Variants in KIF26B observed in about 807,000 individuals in gnomAD.
The protein encoded by KIF26B is kinesin family member 26B.
In KIF26B, 63 loss-of-function variants were observed where a neutral mutation model predicts 151.2. The observed-to-expected ratio is 0.42, with a 90% CI of 0.34 to 0.51. The LOEUF is 0.51. Ranked by LOEUF, KIF26B falls within the 20% of genes least tolerant of loss-of-function variation. The probability of loss-of-function intolerance (pLI) is 0.07; values close to 1 mark genes in which losing one functional copy is unlikely to be tolerated. For synonymous variants in KIF26B, 1,357 were observed against 1,262.1 expected, an observed-to-expected ratio of 1.08 and a Z score of -1.59; for missense variants, 2,813 against 2,913.6, an observed-to-expected ratio of 0.97 and a Z score of 0.79.
chr1:245,553,111 C>T (rs1661932968), intron 5 of KIF26B, among the ~76,000 whole-genome samples: 1 of 152,222 alleles, frequency 6.6e-6, no homozygotes, highest in African/African-American at 2.4e-5. Flanking sequence ...ATGAGCCATT[C>T]ATCTTGTGCC....
chr1:245,242,560 C>G (rs2103560560), intron 2 of KIF26B, among the ~76,000 whole-genome samples: 1 of 152,292 alleles, frequency 6.6e-6, no homozygotes, highest in South Asian at 2.1e-4. Context: ...CCTTTTCACT[C>G]AATATGATGT....
chr1:245,632,848 C>T (rs2043795443), intron 9 of KIF26B, among the ~76,000 whole-genome samples: 2 of 152,178 alleles, frequency 1.3e-5, no homozygotes, highest in South Asian at 4.1e-4. Context: ...ATTGAGGCTG[C>T]AGTGAGCCAA....
chr1:245,297,646 A>G (rs1387419807), intron 2 of KIF26B, among the ~76,000 whole-genome samples: 1 of 152,188 alleles, frequency 6.6e-6, no homozygotes, highest in Non-Finnish European at 1.5e-5. Context: ...ACTTAGAGAA[A>G]AGGAGTAGGC....
At chr1:245,652,270 C>T (rs997462594) in intron 10 of KIF26B, among the ~76,000 whole-genome samples, 7 of 152,092 alleles carry the variant, frequency 4.6e-5, no homozygotes, top group African/African-American at 9.7e-5. Context: ...CAGTTTAGAG[C>T]GTTCCCTATT....
chr1:245,497,187 A>G (rs1660531628), intron 4 of KIF26B, among the ~76,000 whole-genome samples: 1 of 151,858 alleles, frequency 6.6e-6, no homozygotes, highest in Non-Finnish European at 1.5e-5. Context: ...TCTTTAATTT[A>G]TCATTAATGT....
intron 4 of KIF26B, among the ~76,000 whole-genome samples, chr1:245,538,924 C>T (rs561749443): frequency 6.6e-6 from 1 of 151,998 alleles, no homozygotes; most frequent in East Asian, 1.9e-4. Context: ...GAGAGAATTT[C>T]AAAAGGAATG....
Position 245,419,506 on chromosome 1 carries a change from G to C in KIF26B, c.1000-73G>C. The C allele has an allele frequency of 2.8e-6, 4 of 1,428,974 alleles. No individual in the cohort carries two copies. In the South Asian group the frequency reaches 5.4e-5, roughly 19 times the overall value. The allele number at this position is 1,428,974 out of a possible 1,614,324, so 88.5% of individuals were successfully genotyped here. A position where few individuals can be genotyped will look rare whatever the true frequency, so the allele number is the denominator to read the frequency against. ...CCCTCTTGCCTCCCTCCCCCAAATA[G>C]AGAGATGCTGTCAGTGGTCAGGAAA... is the stretch of plus-strand genomic sequence containing the variant. On this transcript the variant is annotated intron_variant, in intron 3 of 14. Coordinates refer to ENST00000407071, the MANE Select transcript of KIF26B (RefSeq NM_018012.4).
At chr1:245,381,783 A>G (rs1406033959) in intron 3 of KIF26B, among the ~76,000 whole-genome samples, 2 of 152,196 alleles carry the variant, frequency 1.3e-5, no homozygotes, top group African/African-American at 4.8e-5. Context: ...GTTTCCGTGA[A>G]TCTGACTGCT....
intron 2 of KIF26B, among the ~76,000 whole-genome samples, chr1:245,270,127 T>TA (rs1553340285): frequency 2.9e-5 from 4 of 140,274 alleles, no homozygotes; most frequent in African/African-American, 1.1e-4. Context: ...TCTTTTTTCT[T>TA]CTTCCTTCTT....
chr1:245,220,102 C>T (rs1010243950), intron 2 of KIF26B, among the ~76,000 whole-genome samples: 2 of 152,218 alleles, frequency 1.3e-5, no homozygotes, highest in African/African-American at 4.8e-5. Context: ...TTCGGCCTCT[C>T]TCTCCGCACC....
At chr1:245,508,257 T>C (rs1371933931) in intron 4 of KIF26B, among the ~76,000 whole-genome samples, 1 of 152,240 alleles carries the variant, frequency 6.6e-6, no homozygotes, top group Non-Finnish European at 1.5e-5. Flanking sequence ...ATTGTTGTTG[T>C]TGAGACGGAG....
chr1:245,462,397 T>A, intron 4 of KIF26B, among the ~76,000 whole-genome samples: 1 of 152,212 alleles, frequency 6.6e-6, no homozygotes, highest in South Asian at 2.1e-4. Flanking sequence ...TCATCTACAA[T>A]GTGCTAAAGT....
intron 11 of KIF26B, among the ~76,000 whole-genome samples, chr1:245,684,739 G>A (rs1467818842): frequency 2.6e-5 from 4 of 152,190 alleles, no homozygotes; most frequent in East Asian, 1.9e-4. Context: ...GCATGGCCTC[G>A]GTCCTGCGTA....
intron 2 of KIF26B, among the ~76,000 whole-genome samples, chr1:245,254,004 G>GT: frequency 6.6e-6 from 1 of 151,642 alleles, no homozygotes; most frequent in Non-Finnish European, 1.5e-5. Context: ...TAGAGATGGG[G>GT]TTTCACCGTG....
In KIF26B at chr1:245,352,566, C is replaced by A. The variant is rs1385493145; in HGVS notation, c.466-14268C>A. Among the ~76,000 whole-genome samples the A allele has an allele frequency of 6.6e-6, 1 of 152,198 alleles. No individual in the cohort carries two copies. Among genetic ancestry groups the A allele is most frequent in the African/African-American group, 2.4e-5 (1 of 41,450 alleles). ...GGCGTGAACCACTGTGCCTGGCCCA[C>A]CTACTTCCAGTTTAAAGTCACCTGG... On this transcript the variant is annotated intron_variant, in intron 2 of 14. Coordinates refer to ENST00000407071, the MANE Select transcript of KIF26B (RefSeq NM_018012.4). This position sits in a 1 kb window ranked among gnomAD's most constrained non-coding sequence, Gnocchi z 5.0.
chr1:245,291,599 A>AC (rs1472474420), intron 2 of KIF26B, among the ~76,000 whole-genome samples: 1 of 152,110 alleles, frequency 6.6e-6, no homozygotes, highest in Non-Finnish European at 1.5e-5. Context: ...ACTAGACCCC[A>AC]CACCCGACGG....
At chr1:245,651,472 G>A (rs1234968623) in intron 10 of KIF26B, among the ~76,000 whole-genome samples, 1 of 152,168 alleles carries the variant, frequency 6.6e-6, no homozygotes, top group Non-Finnish European at 1.5e-5. Flanking sequence ...CTTCCTCCTA[G>A]AGCCCATGGA....
chr1:245,392,426 A>G (rs1018474720), intron 3 of KIF26B, among the ~76,000 whole-genome samples: 1 of 152,204 alleles, frequency 6.6e-6, no homozygotes, highest in Admixed American at 6.5e-5. Flanking sequence ...AAAGGGATAC[A>G]TTTTTTGATA....
At chr1:245,658,944 G>A (rs1453639661) in intron 10 of KIF26B, among the ~76,000 whole-genome samples, 2 of 151,942 alleles carry the variant, frequency 1.3e-5, no homozygotes, top group African/African-American at 4.8e-5. Context: ...TCTAGATAAT[G>A]ATAGAGGGCA....
Sources: gnomAD v4.1 joint callset for allele counts (sites outside exome capture counted in the v4.1 genomes callset) on GRCh38, gnomAD v4.1.1 for gene constraint, Gnocchi (gnomAD v3.1) non-coding constraint, MANE v1.5 for transcripts, NCBI Gene and HGNC (gene_info 2026-07-23, HGNC 2026-07-21) for gene names.